The following RALGPS1 variants were observed in gnomAD, a reference collection of about 807,000 sequenced individuals.
The protein encoded by RALGPS1 is Ral GEF with PH domain and SH3 binding motif 1, also known as ras-specific guanine nucleotide-releasing factor RalGPS1.
RALGPS1 carries 19 observed loss-of-function variants against 78.8 expected under a neutral mutation model. The ratio of observed to expected loss-of-function variants is 0.24; its 90% CI spans 0.17 to 0.35. The LOEUF is 0.35. RALGPS1 is among the 10% of genes least tolerant of loss of function. The pLI, the probability that RALGPS1 is intolerant of heterozygous loss-of-function variation, is 1.00. For synonymous variants in RALGPS1, 228 were observed against 256.3 expected (o/e 0.89, Z 1.06); for missense variants, 454 against 688.3 (o/e 0.66, Z 3.81).
intron 8 of RALGPS1, among the ~76,000 whole-genome samples, chr9:127,112,268 C>CGTT (rs1195303344): frequency 1.3e-5 from 2 of 152,186 alleles, no homozygotes; most frequent in African/African-American, 2.4e-5. Context: ...GTGTTTGCCT[C>CGTT]GTTTCCAACG....
intron 8 of RALGPS1, among the ~76,000 whole-genome samples, chr9:127,157,917 TAAG>T (rs2058796529): frequency 6.6e-6 from 1 of 152,168 alleles, no homozygotes; most frequent in Non-Finnish European, 1.5e-5. Context: ...ATTTCAATAT[TAAG>T]AACATTGTTT....
chr9:127,125,057 C>T (rs1324912537), intron 8 of RALGPS1, among the ~76,000 whole-genome samples: 5 of 152,214 alleles, frequency 3.3e-5, no homozygotes, highest in Non-Finnish European at 7.3e-5. Flanking sequence ...CTGGGGAGCT[C>T]AGGAGTCAGA....
intron 14 of RALGPS1, among the ~76,000 whole-genome samples, chr9:127,203,434 T>G (rs1183966073): frequency 6.6e-6 from 1 of 152,222 alleles, no homozygotes; most frequent in Non-Finnish European, 1.5e-5. Context: ...CCATCTCCCC[T>G]GGTCGGAATC....
rs76874125 is a variant in RALGPS1, at chr9:127,067,200, T to G, written c.484-2030T>G. 1.1e-4 allele frequency among the ~76,000 whole-genome samples: 16 copies of G among 152,334 alleles called. No homozygotes were observed. The East Asian group carries it at 3.1e-3, about 29-fold the overall frequency. On this transcript the variant is annotated intron_variant, in intron 7 of 18. Transcript: ENST00000259351. Reference sequence around the variant, plus strand: ...GCAAGTAGAAGATGGTGTTTTTCCCTGTCCATTTTAGCAGACCAGTTAAGC... The same window carrying G: ...GCAAGTAGAAGATGGTGTTTTTCCCGGTCCATTTTAGCAGACCAGTTAAGC...
intron 8 of RALGPS1, among the ~76,000 whole-genome samples, chr9:127,139,227 C>T (rs1275917217): frequency 6.6e-6 from 1 of 152,152 alleles, no homozygotes; most frequent in Non-Finnish European, 1.5e-5. Context: ...TATGAGTTGA[C>T]AAGTCACCCA....
intron 8 of RALGPS1, chr9:127,079,695 A>T (rs1358345819): frequency 1.3e-5 from 2 of 152,176 alleles, no homozygotes; most frequent in Non-Finnish European, 2.9e-5. Flanking sequence ...GTTTGGAAGA[A>T]GATTCTGCTA....
chr9:127,204,633 C>T (rs1003499406), intron 14 of RALGPS1, among the ~76,000 whole-genome samples: 2 of 152,262 alleles, frequency 1.3e-5, no homozygotes, highest in African/African-American at 2.4e-5. Context: ...TCTAAGAGGT[C>T]GCTGCAGACA....
intron 1 of RALGPS1, among the ~76,000 whole-genome samples, chr9:126,934,161 G>A (rs377468733): frequency 4.6e-5 from 7 of 152,026 alleles, no homozygotes; most frequent in Admixed American, 1.3e-4. Context: ...ATGTGGATGC[G>A]TGGGAAAAGT....
At chr9:127,123,153 C>G (rs1025561681) in intron 8 of RALGPS1, among the ~76,000 whole-genome samples, 1 of 152,260 alleles carries the variant, frequency 6.6e-6, no homozygotes, top group African/African-American at 2.4e-5. Flanking sequence ...ATCAGCCGCC[C>G]TTCGTGGAGG....
At chr9:126,994,634 A>G (rs1484920233) in intron 4 of RALGPS1, among the ~76,000 whole-genome samples, 1 of 152,262 alleles carries the variant, frequency 6.6e-6, no homozygotes, top group Non-Finnish European at 1.5e-5. Context: ...GAACATCCCC[A>G]ATCTAGCAAG....
intron 8 of RALGPS1, among the ~76,000 whole-genome samples, chr9:127,127,788 A>T (rs951783453): frequency 1.3e-5 from 2 of 152,190 alleles, no homozygotes; most frequent in African/African-American, 4.8e-5. Flanking sequence ...GTACCAGGCC[A>T]CACAGCTAGG....
intron 8 of RALGPS1, among the ~76,000 whole-genome samples, chr9:127,136,439 GA>G (rs908545853): frequency 2.6e-5 from 4 of 152,174 alleles, no homozygotes; most frequent in African/African-American, 9.7e-5. Context: ...ACCCTGCTGG[GA>G]GCTCCCAGAG....
chr9:127,039,707 A>G (rs920439548), intron 5 of RALGPS1, among the ~76,000 whole-genome samples: 2 of 152,140 alleles, frequency 1.3e-5, no homozygotes, highest in African/African-American at 4.8e-5. Flanking sequence ...GCAGAAAGGA[A>G]AGGGGCAGAT....
chr9:127,055,938 A>G (rs2048706066), intron 7 of RALGPS1, among the ~76,000 whole-genome samples: 1 of 152,234 alleles, frequency 6.6e-6, no homozygotes, highest in Admixed American at 6.5e-5. Flanking sequence ...GGAGTGCAGC[A>G]GAAAGAGCAG....
At chr9:127,180,110 A>G (rs1466546725) in intron 11 of RALGPS1, among the ~76,000 whole-genome samples, 1 of 152,244 alleles carries the variant, frequency 6.6e-6, no homozygotes, top group African/African-American at 2.4e-5. Context: ...CTCCACATGT[A>G]ATGTTTAGTT....
At chr9:127,074,584 G>T (rs374036505) in intron 8 of RALGPS1, among the ~76,000 whole-genome samples, 1 of 152,192 alleles carries the variant, frequency 6.6e-6, no homozygotes, top group Admixed American at 6.5e-5. Flanking sequence ...GTGTTCCAGG[G>T]TCATTAAGGA....
intron 8 of RALGPS1, among the ~76,000 whole-genome samples, chr9:127,143,900 G>A (rs982236085): frequency 1.4e-4 from 21 of 152,210 alleles, no homozygotes; most frequent in Non-Finnish European, 2.8e-4. Context: ...GAAAGCTGAA[G>A]GCAAGCCCCT....
intron 8 of RALGPS1, among the ~76,000 whole-genome samples, chr9:127,138,147 G>A (rs987089852): frequency 1.8e-4 from 28 of 152,314 alleles, no homozygotes; most frequent in Admixed American, 1.6e-3. Flanking sequence ...TCCCCGGGTA[G>A]CGAACATGTG....
intron 4 of RALGPS1, among the ~76,000 whole-genome samples, chr9:127,006,026 A>G (rs1213232002): frequency 2.0e-5 from 3 of 152,200 alleles, no homozygotes; most frequent in Non-Finnish European, 4.4e-5. Flanking sequence ...CATGCTAAAA[A>G]CACTCAACAA....
Sources: gnomAD v4.1 joint callset for allele counts (sites outside exome capture counted in the v4.1 genomes callset) on GRCh38, gnomAD v4.1.1 for gene constraint, MANE v1.5 for transcripts, NCBI Gene and HGNC (gene_info 2026-07-23, HGNC 2026-07-21) for gene names.